ZDHHC7: variants seen among roughly 807,000 people sequenced by gnomAD.
The protein encoded by ZDHHC7 is palmitoyltransferase ZDHHC7.
A neutral mutation model predicts 34.1 loss-of-function variants in ZDHHC7; 12 were observed. That is an observed-to-expected ratio of 0.35 (90% confidence interval 0.23 to 0.57). The LOEUF (loss-of-function observed/expected upper bound fraction) is 0.57. Among genes scored for constraint, ZDHHC7 ranks in the 20% least tolerant of loss-of-function variants. The pLI is 0.84. For synonymous variants in ZDHHC7, 185 were observed against 155.4 expected (o/e 1.19, Z -1.42); for missense variants, 388 against 402.7 (o/e 0.96, Z 0.31).
chr16:84,996,212 A>G (rs886245441), intron 1 of ZDHHC7, among the ~76,000 whole-genome samples: 13 of 152,200 alleles, frequency 8.5e-5, no homozygotes, highest in Admixed American at 7.9e-4. Context: ...CAAGTAATTT[A>G]TTTTAAATAT....
At chr16:85,007,814 G>C (rs1419441266) in intron 1 of ZDHHC7, among the ~76,000 whole-genome samples, 2 of 152,070 alleles carry the variant, frequency 1.3e-5, no homozygotes, top group Admixed American at 1.3e-4. Flanking sequence ...AGTAGGAAGG[G>C]ACCAGGAAAG....
chr16:85,011,774 G>C (rs184198504), upstream of ZDHHC7, among the ~76,000 whole-genome samples: 1 of 152,340 alleles, frequency 6.6e-6, no homozygotes, highest in South Asian at 2.1e-4. Flanking sequence ...CACGCCGTTA[G>C]GCTGCGGAAC....
intron 1 of ZDHHC7, among the ~76,000 whole-genome samples, chr16:85,002,900 G>A (rs1168942495): frequency 1.3e-5 from 2 of 152,020 alleles, no homozygotes; most frequent in African/African-American, 4.8e-5. Context: ...CCGCAAAATG[G>A]AAATGGGGTG....
the ZDHHC7 span, among the ~76,000 whole-genome samples, chr16:85,024,929 TGCTAA>T: frequency 2.0e-5 from 3 of 152,188 alleles, no homozygotes; most frequent in South Asian, 2.1e-4. Context: ...CCATGGGGGC[TGCTAA>T]GCTGAGACAA....
rs1053415221 is a variant in ZDHHC7 at position 84,979,414 on chromosome 16, A to G, written c.441-129T>C. On this transcript the variant is annotated intron_variant, in intron 4 of 7. Transcript: ENST00000313732. ...AATACAACATGTCAAAAAATATCAT[A>G]CATTCTCACTATATTCCTTTAAGGT... is the stretch of plus-strand genomic sequence containing the variant. The G allele has an allele frequency of 1.7e-5, 22 of 1,303,568 alleles. No homozygotes were observed. In the East Asian group the frequency reaches 3.5e-4, roughly 21 times the overall value. 80.8% of individuals were successfully genotyped at this position (1,303,568 alleles called of 1,614,324 possible). A position where few individuals can be genotyped will look rare whatever the true frequency, so the allele number is the denominator to read the frequency against.
chr16:85,008,385 GC>G (rs1441693911), intron 1 of ZDHHC7, among the ~76,000 whole-genome samples: 7 of 151,924 alleles, frequency 4.6e-5, no homozygotes, highest in Non-Finnish European at 8.8e-5. Context: ...ACACATCAAT[GC>G]CAAAAAAGTA....
intron 3 of ZDHHC7, among the ~76,000 whole-genome samples, chr16:84,983,516 G>A (rs2072397602): frequency 6.6e-6 from 1 of 152,158 alleles, no homozygotes; most frequent in Non-Finnish European, 1.5e-5. Flanking sequence ...GGGCCCCAGG[G>A]CAAATGTGAG....
the ZDHHC7 span, among the ~76,000 whole-genome samples, chr16:85,018,645 C>T: frequency 6.6e-6 from 1 of 152,002 alleles, no homozygotes; most frequent in Non-Finnish European, 1.5e-5. Flanking sequence ...CGGGGTATCT[C>T]CATGTTGGTC....
chr16:84,982,896 T>TCACC, intron 3 of ZDHHC7, among the ~76,000 whole-genome samples: 2 of 152,192 alleles, frequency 1.3e-5, no homozygotes, highest in Non-Finnish European at 1.5e-5. Context: ...AGGCCAAGAG[T>TCACC]CACCCTACCA....
intron 3 of ZDHHC7, among the ~76,000 whole-genome samples, chr16:84,984,805 T>C (rs72801600): frequency 0.028 from 4,225 of 152,130 alleles, 89 homozygotes; most frequent in Middle Eastern, 0.044. Flanking sequence ...CCCGAGTCTA[T>C]CACCTACATT....
intron 2 of ZDHHC7, among the ~76,000 whole-genome samples, chr16:84,995,108 C>T (rs2072559576): frequency 6.6e-6 from 1 of 152,208 alleles, no homozygotes; most frequent in Non-Finnish European, 1.5e-5. Flanking sequence ...CCACCGTTGA[C>T]TTCATACTCA....
chr16:85,021,847 G>A, the ZDHHC7 span, among the ~76,000 whole-genome samples: 1 of 151,880 alleles, frequency 6.6e-6, no homozygotes, highest in African/African-American at 2.4e-5. Context: ...CTGCTTTGTG[G>A]AGGACAGATT....
rs2072280755 is a variant in ZDHHC7 at position 84,975,306 on chromosome 16, G to C, written c.*1037C>G. ...ATGGTCCCCTCCCCTTCCCAGAGGT[G>C]CCCAATGGCTGGGCCCTGCCTCTCC... is the stretch of plus-strand genomic sequence containing the variant. On this transcript the variant is annotated 3_prime_UTR_variant, in exon 8 of 8. Transcript: ENST00000313732. 6.6e-6 allele frequency: 1 copy of C among 152,498 alleles called. No homozygotes were observed. The highest frequency in any genetic ancestry group is 2.4e-5 in the African/African-American group (1 of 41,452). The allele number at this position is 152,498 out of a possible 1,614,324, so 9.4% of individuals were successfully genotyped here. A position where few individuals can be genotyped will look rare whatever the true frequency, so the allele number is the denominator to read the frequency against.
chr16:84,982,600 A>T (rs1381575631), intron 3 of ZDHHC7, among the ~76,000 whole-genome samples: 2 of 152,180 alleles, frequency 1.3e-5, no homozygotes, highest in African/African-American at 4.8e-5. Flanking sequence ...AACAAAGAAC[A>T]AAACAATCTC....
At chr16:84,988,255 TC>T (rs1015096952) in intron 3 of ZDHHC7, among the ~76,000 whole-genome samples, 1 of 149,090 alleles carries the variant, frequency 6.7e-6, no homozygotes, top group African/African-American at 2.5e-5. Context: ...GGTGGTGGGG[TC>T]GGGGAACTGG....
chr16:84,990,551 T>G lies in ZDHHC7; in HGVS notation c.68A>C (p.Tyr23Ser). 3 of 1,614,048 alleles carry G rather than the reference T, an allele frequency of 1.9e-6. No homozygotes were observed. Among genetic ancestry groups the G allele is most frequent in the Non-Finnish European group, 2.5e-6 (3 of 1,180,004 alleles). Reference sequence around the variant, plus strand: ...GGAGGAGGAGGACGATGAAGAGTCATAGTTGTCATTTTCAGCCAGGAGAGG... The same window carrying G: ...GGAGGAGGAGGACGATGAAGAGTCAGAGTTGTCATTTTCAGCCAGGAGAGG... ...HHPLLAENDN[Y>S]DSSSSSSSEA... Residue 23 changes from tyrosine to serine, a missense_variant, in exon 3 of 8, where the codon TAT becomes TCT. Coordinates refer to ENST00000313732, the MANE Select transcript of ZDHHC7 (RefSeq NM_017740.3).
At chr16:85,000,034 G>A (rs2072633117) in intron 1 of ZDHHC7, among the ~76,000 whole-genome samples, 1 of 151,804 alleles carries the variant, frequency 6.6e-6, no homozygotes, top group East Asian at 1.9e-4. Context: ...CAGCTGCTCA[G>A]GAGGCTGAGG....
At chr16:85,001,196 C>A (rs530370667) in intron 1 of ZDHHC7, among the ~76,000 whole-genome samples, 1 of 152,090 alleles carries the variant, frequency 6.6e-6, no homozygotes, top group African/African-American at 2.4e-5. Context: ...TGGGGCCGGG[C>A]GCGGTGCCTC....
upstream of ZDHHC7, among the ~76,000 whole-genome samples, chr16:85,012,383 A>AC (rs1487901952): frequency 6.6e-6 from 1 of 151,208 alleles, no homozygotes; most frequent in African/African-American, 2.4e-5. Flanking sequence ...ACAGTCTCAA[A>AC]AAAAAAAAAA....
Sources: allele counts gnomAD v4.1 joint callset (sites outside exome capture counted in the v4.1 genomes callset), GRCh38; gene constraint gnomAD v4.1.1; transcripts MANE v1.5; gene names NCBI Gene and HGNC (gene_info 2026-07-23, HGNC 2026-07-21).